RGS7: variants seen among roughly 807,000 people sequenced by gnomAD.
RGS7 encodes the protein regulator of G-protein signaling 7.
Under a neutral mutation model 81.1 loss-of-function variants are expected in RGS7, and 27 were observed. That is an observed-to-expected ratio of 0.33 (90% CI 0.25 to 0.46). RGS7 has a LOEUF of 0.46. RGS7 is among the 20% of genes least tolerant of loss of function. The pLI, the probability that RGS7 is intolerant of heterozygous loss-of-function variation, is 1.00. For synonymous variants in RGS7, 208 were observed against 207.7 expected, an observed-to-expected ratio of 1.00 and a Z score of -0.01; for missense variants, 396 against 607.4, an observed-to-expected ratio of 0.65 and a Z score of 3.66.
chr1:241,339,540 T>C (rs1479480971), intron 2 of RGS7, among the ~76,000 whole-genome samples: 1 of 152,178 alleles, frequency 6.6e-6, no homozygotes, highest in Non-Finnish European at 1.5e-5. Context: ...ACACAGATTG[T>C]AATATCTTAA....
intron 6 of RGS7, among the ~76,000 whole-genome samples, chr1:240,889,095 T>C (rs1667852321): frequency 6.6e-6 from 1 of 152,126 alleles, no homozygotes; most frequent in Admixed American, 6.5e-5. Context: ...CAGCTGGGAC[T>C]ACAGGCGCCC....
intron 3 of RGS7, among the ~76,000 whole-genome samples, chr1:240,997,527 T>C (rs948024084): frequency 1.3e-5 from 2 of 152,032 alleles, no homozygotes; most frequent in Non-Finnish European, 2.9e-5. Flanking sequence ...ATCAAAACAA[T>C]CAAAAAAATT....
chr1:241,079,716 T>C (rs528015502), intron 3 of RGS7, among the ~76,000 whole-genome samples: 116 of 152,206 alleles, frequency 7.6e-4, no homozygotes, highest in African/African-American at 2.7e-3. Context: ...TTGAATGTGC[T>C]GTCTGATAAA....
chr1:240,995,505 T>G (rs1013358656), intron 3 of RGS7, among the ~76,000 whole-genome samples: 30 of 152,292 alleles, frequency 2.0e-4, no homozygotes, highest in African/African-American at 7.0e-4. Context: ...ATTTTCTTAA[T>G]AGTCATTGAT....
intron 2 of RGS7, among the ~76,000 whole-genome samples, chr1:241,313,153 A>G (rs921867362): frequency 5.3e-5 from 8 of 152,260 alleles, no homozygotes; most frequent in Admixed American, 3.9e-4. Flanking sequence ...TCCGTAACAT[A>G]AAAGTACAAA....
chr1:240,992,258 C>G (rs948642366), intron 3 of RGS7, among the ~76,000 whole-genome samples: 3 of 152,186 alleles, frequency 2.0e-5, no homozygotes, highest in African/African-American at 7.2e-5. Context: ...AATCCCAGCA[C>G]TTTGGAAGGC....
At chr1:241,032,461 T>C (rs1274075949) in intron 3 of RGS7, among the ~76,000 whole-genome samples, 2 of 152,128 alleles carry the variant, frequency 1.3e-5, no homozygotes, top group Non-Finnish European at 2.9e-5. Context: ...GCTATTTGGG[T>C]TCTTTTTTGG....
chr1:240,945,220 A>G (rs754271924), intron 4 of RGS7, among the ~76,000 whole-genome samples: 2 of 152,244 alleles, frequency 1.3e-5, no homozygotes, highest in African/African-American at 4.8e-5. Context: ...CCATGTCCCA[A>G]TACTCTAACA....
intron 2 of RGS7, among the ~76,000 whole-genome samples, chr1:241,336,492 C>T (rs1471036755): frequency 1.3e-5 from 2 of 152,078 alleles, no homozygotes; most frequent in African/African-American, 2.4e-5. Flanking sequence ...CTGCAGAAAC[C>T]CTAGGACAGG....
chr1:241,291,250 C>G (rs1292878491), intron 2 of RGS7, among the ~76,000 whole-genome samples: 2 of 152,122 alleles, frequency 1.3e-5, no homozygotes, highest in African/African-American at 2.4e-5. Context: ...CATGAAGAGA[C>G]CATTTTAAAT....
At chr1:241,192,728 C>G (rs1346924246) in intron 2 of RGS7, among the ~76,000 whole-genome samples, 1 of 152,082 alleles carries the variant, frequency 6.6e-6, no homozygotes, top group Admixed American at 6.6e-5. Context: ...TAGAAGAAAA[C>G]AGAAAATCAG....
rs763268211 is a variant in RGS7, at chr1:241,104,182, C to CCAT, written c.79-5423_79-5421dup. Among the ~76,000 whole-genome samples the CCAT allele has an allele frequency of 5.3e-5, 8 of 152,060 alleles. No homozygotes were observed. The East Asian group carries it at 7.7e-4, about 15-fold the overall frequency. On this transcript the variant is annotated intron_variant, in intron 2 of 18. Coordinates refer to ENST00000440928, the MANE Select transcript of RGS7 (RefSeq NM_001364886.1). The stretch of plus-strand genomic sequence containing the variant: ...GCTTACTATGATGCCACCACCAACA[C>CCAT]CATCATCATCATCATCATCAACATA...
At chr1:240,980,598 T>C (rs1367089821) in intron 4 of RGS7, among the ~76,000 whole-genome samples, 3 of 152,134 alleles carry the variant, frequency 2.0e-5, no homozygotes, top group Admixed American at 6.5e-5. Flanking sequence ...GCATGATTGG[T>C]TTCATATAGG....
At chr1:241,165,810 GAA>G (rs902675225) in intron 2 of RGS7, among the ~76,000 whole-genome samples, 2 of 141,774 alleles carry the variant, frequency 1.4e-5, no homozygotes, top group Admixed American at 7.1e-5. Context: ...AACCAGCCCT[GAA>G]AAAAAAAAAG....
At position 241,088,332 on chromosome 1, in the gene RGS7, C is replaced by T. The variant is rs563081426; in HGVS notation, c.175+10334G>A. 5.9e-5 allele frequency among the ~76,000 whole-genome samples: 9 copies of T among 151,956 alleles called. 1 individual carries two copies. The highest frequency in any genetic ancestry group is 3.4e-3 in the Middle Eastern group (1 of 294). On this transcript the variant is annotated intron_variant, in intron 3 of 18. Transcript: ENST00000440928. Reference sequence around the variant, plus strand: ...TGCTTAAGGGTGAAGAGGATCAGAACACGCCACCAAAAAACATACCATTTT... The same window carrying T: ...TGCTTAAGGGTGAAGAGGATCAGAATACGCCACCAAAAAACATACCATTTT...
intron 2 of RGS7, among the ~76,000 whole-genome samples, chr1:241,181,378 T>C (rs2071605081): frequency 6.6e-6 from 1 of 152,158 alleles, no homozygotes; most frequent in Non-Finnish European, 1.5e-5. Context: ...CTCTAAAAAA[T>C]AAAATACATT....
intron 2 of RGS7, among the ~76,000 whole-genome samples, chr1:241,302,038 T>A (rs1426637587): frequency 6.6e-6 from 1 of 152,084 alleles, no homozygotes; most frequent in African/African-American, 2.4e-5. Flanking sequence ...AATGGGACAT[T>A]AAATGGGGCC....
chr1:241,202,232 C>T (rs2073573810), intron 2 of RGS7, among the ~76,000 whole-genome samples: 2 of 152,102 alleles, frequency 1.3e-5, no homozygotes, highest in African/African-American at 4.8e-5. Context: ...AGAACAATAA[C>T]AAAATAACAT....
intron 2 of RGS7, among the ~76,000 whole-genome samples, chr1:241,179,904 G>A (rs1475019856): frequency 6.6e-6 from 1 of 152,090 alleles, no homozygotes; most frequent in African/African-American, 2.4e-5. Flanking sequence ...CATACTTCCT[G>A]ATCTTAAAGA....
Sources: gnomAD v4.1 joint callset for allele counts (sites outside exome capture counted in the v4.1 genomes callset) on GRCh38, gnomAD v4.1.1 for gene constraint, MANE v1.5 for transcripts, NCBI Gene and HGNC (gene_info 2026-07-23, HGNC 2026-07-21) for gene names.